The following SNCAIP variants were observed in gnomAD, a reference collection of about 807,000 sequenced individuals.
SNCAIP encodes synuclein alpha interacting protein.
A neutral mutation model predicts 86.7 loss-of-function variants in SNCAIP; 43 were observed. The ratio of observed to expected loss-of-function variants is 0.50; its 90% confidence interval spans 0.39 to 0.64. The LOEUF is 0.64. Among genes scored for constraint, SNCAIP ranks in the 30% least tolerant of loss-of-function variants. The pLI is 0.00. For missense variants in SNCAIP, 981 were observed against 1,103.1 expected, an observed-to-expected ratio of 0.89 and a Z score of 1.57; for synonymous variants, 417 against 427.2, an observed-to-expected ratio of 0.98 and a Z score of 0.29.
At chr5:122,384,067 G>T (rs1287042750) in intron 1 of SNCAIP, among the ~76,000 whole-genome samples, 1 of 152,206 alleles carries the variant, frequency 6.6e-6, no homozygotes, top group African/African-American at 2.4e-5. Context: ...TTCATTTGGA[G>T]TTAGGTTCAT....
At chr5:122,388,190 G>A (rs1209093116) in intron 1 of SNCAIP, among the ~76,000 whole-genome samples, 1 of 152,146 alleles carries the variant, frequency 6.6e-6, no homozygotes, top group African/African-American at 2.4e-5. Flanking sequence ...AGAGCTTCAG[G>A]TATTTAAAAC....
At chr5:122,377,494 C>CAGAGAGAGAGAGAGAGAGAG (rs3031391) in intron 1 of SNCAIP, among the ~76,000 whole-genome samples, 1 of 149,172 alleles carries the variant, frequency 6.7e-6, no homozygotes, top group Admixed American at 6.7e-5. Flanking sequence ...GGGAGACAGA[C>CAGAGAGAGAGAGAGAGAGAG]AGAGAGAGAG....
chr5:122,419,779 C>T (rs1776024013), intron 3 of SNCAIP, among the ~76,000 whole-genome samples: 1 of 151,936 alleles, frequency 6.6e-6, no homozygotes, highest in African/African-American at 2.4e-5. Context: ...ACTTTGTTTC[C>T]ATGTATGGTA....
chr5:122,368,291 C>T (rs1290468885), intron 1 of SNCAIP, among the ~76,000 whole-genome samples: 1 of 152,138 alleles, frequency 6.6e-6, no homozygotes, highest in Non-Finnish European at 1.5e-5. Flanking sequence ...CAGCTCCTCC[C>T]CTCCCAGCCT....
At chr5:122,377,725 T>C (rs963586580) in intron 1 of SNCAIP, among the ~76,000 whole-genome samples, 36 of 127,870 alleles carry the variant, frequency 2.8e-4, no homozygotes, top group African/African-American at 1.0e-3. Context: ...GAGTGTGATA[T>C]TCCCCTTCCT....
chr5:122,358,267 A>G (rs1331699347), intron 1 of SNCAIP, among the ~76,000 whole-genome samples: 1 of 150,492 alleles, frequency 6.6e-6, no homozygotes, highest in Non-Finnish European at 1.5e-5. Flanking sequence ...CAGGTTTGTT[A>G]CATATGTATA....
chr5:122,334,609 GAGGGAAGGAAAAC>G (rs1323206467), intron 1 of SNCAIP, among the ~76,000 whole-genome samples: 1 of 152,200 alleles, frequency 6.6e-6, no homozygotes, highest in East Asian at 1.9e-4. Context: ...TGGTAACGTT[GAGGGAAGGAAAAC>G]AGGGTGGATT....
At chr5:122,343,747 T>C (rs1758049845) in intron 1 of SNCAIP, among the ~76,000 whole-genome samples, 1 of 152,202 alleles carries the variant, frequency 6.6e-6, no homozygotes, top group South Asian at 2.1e-4. Context: ...CTCTGGCTTC[T>C]ACACATTAGA....
chr5:122,447,641 G>C (rs1466551700), intron 8 of SNCAIP, among the ~76,000 whole-genome samples: 3 of 152,216 alleles, frequency 2.0e-5, no homozygotes, highest in African/African-American at 7.2e-5. Flanking sequence ...AGCTAGCAAA[G>C]TGGGAAAAGT....
intron 1 of SNCAIP, among the ~76,000 whole-genome samples, chr5:122,331,622 C>G (rs1755354657): frequency 6.6e-6 from 1 of 152,188 alleles, no homozygotes; most frequent in Non-Finnish European, 1.5e-5. Context: ...GATCAAGGCA[C>G]CAGCAGATCT....
chr5:122,322,687 T>C (rs886156481), intron 1 of SNCAIP, among the ~76,000 whole-genome samples: 2 of 152,190 alleles, frequency 1.3e-5, no homozygotes, highest in African/African-American at 4.8e-5. Flanking sequence ...TCAAAAAAGA[T>C]ATTTGGAACA....
chr5:122,394,804 A>G (rs1354262757), intron 2 of SNCAIP, among the ~76,000 whole-genome samples: 4 of 152,142 alleles, frequency 2.6e-5, no homozygotes, highest in African/African-American at 9.7e-5. Context: ...CCATCCACCA[A>G]TGTTGGCCGT....
intron 4 of SNCAIP, among the ~76,000 whole-genome samples, chr5:122,424,349 C>A (rs959297867): frequency 3.9e-5 from 6 of 152,200 alleles, no homozygotes; most frequent in African/African-American, 9.6e-5. Flanking sequence ...AAAGTCTGTT[C>A]TGCTTTGGCT....
At chr5:122,399,848 G>T (rs1655259793) in intron 2 of SNCAIP, among the ~76,000 whole-genome samples, 1 of 152,010 alleles carries the variant, frequency 6.6e-6, no homozygotes, top group South Asian at 2.1e-4. Flanking sequence ...CACCCATATG[G>T]CTTGTGAAAA....
At chr5:122,442,112 CTT>C (rs10688988) in intron 7 of SNCAIP, among the ~76,000 whole-genome samples, 1 of 65,732 alleles carries the variant, frequency 1.5e-5, no homozygotes. Flanking sequence ...AAGCAGTACT[CTT>C]TTTTTTTTTT....
chr5:122,457,068 C>G (rs1002604201), intron 10 of SNCAIP, among the ~76,000 whole-genome samples: 2 of 152,162 alleles, frequency 1.3e-5, no homozygotes, highest in Non-Finnish European at 2.9e-5. Flanking sequence ...GTGGTGCGAT[C>G]TTGGCTCACT....
chr5:122,404,629 A>G (rs773871601), intron 3 of SNCAIP, among the ~76,000 whole-genome samples: 4 of 152,240 alleles, frequency 2.6e-5, no homozygotes, highest in Non-Finnish European at 5.9e-5. Context: ...TGGCATCACC[A>G]TTAACCTTCC....
At chr5:122,380,722 G>C (rs1766558441) in intron 1 of SNCAIP, among the ~76,000 whole-genome samples, 1 of 150,910 alleles carries the variant, frequency 6.6e-6, no homozygotes, top group African/African-American at 2.5e-5. Flanking sequence ...ATGCGTCCCA[G>C]AGATTCTGGT....
chr5:122,335,316 A>G (rs1756219442), intron 1 of SNCAIP, among the ~76,000 whole-genome samples: 1 of 152,198 alleles, frequency 6.6e-6, no homozygotes, highest in African/African-American at 2.4e-5. Flanking sequence ...ATAACAGTTC[A>G]ATTCTGTTAA....
Sources: gnomAD v4.1 joint callset for allele counts (sites outside exome capture counted in the v4.1 genomes callset) on GRCh38, gnomAD v4.1.1 for gene constraint, MANE v1.5 for transcripts, NCBI Gene and HGNC (gene_info 2026-07-23, HGNC 2026-07-21) for gene names.